The following SORL1 variants were observed in gnomAD, a reference collection of about 807,000 sequenced individuals.
The protein encoded by SORL1 is sortilin-related receptor.
In SORL1, 127 loss-of-function variants were observed where a neutral mutation model predicts 273.7. That is an observed-to-expected ratio of 0.46 (90% CI 0.40 to 0.54). The LOEUF (loss-of-function observed/expected upper bound fraction) is 0.54, where lower values mean the gene tolerates loss of function less well. Among genes scored for constraint, SORL1 ranks in the 20% least tolerant of loss-of-function variants. The pLI, the probability that SORL1 is intolerant of heterozygous loss-of-function variation, is 0.00. For missense variants in SORL1, 2,494 were observed against 2,846.1 expected (o/e 0.88, Z 2.81); for synonymous variants, 1,031 against 1,067.4 (o/e 0.97, Z 0.66).
At chr11:121,529,548 T>C (rs1862172774) in intron 11 of SORL1, among the ~76,000 whole-genome samples, 1 of 152,180 alleles carries the variant, frequency 6.6e-6, no homozygotes, top group Admixed American at 6.5e-5. Flanking sequence ...ATCCATTCGC[T>C]TTCAACCTAT....
rs929236839 is a variant in SORL1 at position 121,633,382 on chromosome 11, T to G, written c.*3819T>G. On this transcript the variant is annotated 3_prime_UTR_variant, in exon 48 of 48. Coordinates refer to ENST00000260197, the MANE Select transcript of SORL1 (RefSeq NM_003105.6). ...TGGAGTGGACCATTATCCTCAAATA[T>G]TCTATGTCACTTCTCATTTAAAGAC... is the stretch of plus-strand genomic sequence containing the variant. 1 of 152,206 alleles carries G rather than the reference T, an allele frequency of 6.6e-6. No individual in the cohort carries two copies. Among genetic ancestry groups the G allele is most frequent in the Admixed American group, 6.5e-5 (1 of 15,280 alleles). The allele number at this position is 152,206 out of a possible 1,614,324, so 9.4% of individuals were successfully genotyped here.
At chr11:121,472,306 C>T (rs568787436) in intron 2 of SORL1, among the ~76,000 whole-genome samples, 14 of 152,190 alleles carry the variant, frequency 9.2e-5, no homozygotes, top group Middle Eastern at 3.4e-3. Context: ...AATTTTTATG[C>T]GTTTAAAAAA....
At chr11:121,487,966 G>T in intron 3 of SORL1, 66 bp from the exon 4 acceptor site, 2 of 1,555,854 alleles carry the variant, frequency 1.3e-6, no homozygotes, top group South Asian at 2.3e-5. Flanking sequence ...ACTCGCACAT[G>T]GTTTAGGGGA....
intron 27 of SORL1, 86 bp from the exon 28 acceptor site, chr11:121,587,934 C>T (rs1863143282): frequency 1.3e-6 from 2 of 1,528,720 alleles, no homozygotes; most frequent in Non-Finnish European, 9.0e-7. Context: ...GAAGCCACAT[C>T]TGTACTCGTG....
rs148235341 is a variant in SORL1 at position 121,469,518 on chromosome 11, A to G, written c.286-489A>G. ...AAAGCTTCACAATGATACTTCTCTC[A>G]TTTCTCATTACCAGCTGAAAGTGAA... On this transcript the variant is annotated intron_variant, in intron 1 of 47. Coordinates refer to ENST00000260197, the MANE Select transcript of SORL1 (RefSeq NM_003105.6). Among the ~76,000 whole-genome samples the G allele has an allele frequency of 7.3e-3, 1,108 of 152,326 alleles. 15 individuals carry two copies. The highest frequency in any genetic ancestry group is 0.026 in the South Asian group (127 of 4,832).
In SORL1 at chr11:121,625,269, T is replaced by A. The variant is rs375087515; in HGVS notation, c.6356T>A (p.Leu2119Gln). Residue 2119 changes from leucine to glutamine, a missense_variant, in exon 46 of 48, where the codon CTG becomes CAG. Coordinates refer to ENST00000260197, the MANE Select transcript of SORL1 (RefSeq NM_003105.6). ...CCTGCCATCCTGCTGTACGATGAGCTGGGGTCTGGTGAGTTGCGATTGCTG... is the reference window on the plus strand; with the variant it reads ...CCTGCCATCCTGCTGTACGATGAGCAGGGGTCTGGTGAGTTGCGATTGCTG... ...GEPAILLYDE[L>Q]GSGADASATQ... The A allele has an allele frequency of 6.2e-7, 1 of 1,610,082 alleles. No homozygotes were observed. Among genetic ancestry groups the A allele is most frequent in the Non-Finnish European group, 8.5e-7 (1 of 1,178,304 alleles).
intron 2 of SORL1, among the ~76,000 whole-genome samples, chr11:121,475,239 C>T (rs1861245882): frequency 6.6e-6 from 1 of 152,000 alleles, no homozygotes; most frequent in African/African-American, 2.4e-5. Context: ...TGTGCTCCAG[C>T]CTGAGTCATA....
intron 14 of SORL1, among the ~76,000 whole-genome samples, chr11:121,548,909 G>T (rs1403379120): frequency 6.6e-6 from 1 of 152,134 alleles, no homozygotes; most frequent in Non-Finnish European, 1.5e-5. Flanking sequence ...ATGTGTTCTG[G>T]TAGAGCACAT....
intron 35 of SORL1, 53 bp from the exon 36 acceptor site, chr11:121,606,792 C>T: frequency 1.6e-6 from 2 of 1,219,528 alleles, no homozygotes; most frequent in East Asian, 5.1e-5. Flanking sequence ...GAAAATTCCT[C>T]TGGTTGGCTG....
intron 24 of SORL1, among the ~76,000 whole-genome samples, chr11:121,576,060 G>A (rs1329509845): frequency 6.6e-6 from 1 of 152,236 alleles, no homozygotes; most frequent in African/African-American, 2.4e-5. Flanking sequence ...GAATGACTGA[G>A]ACGGCTGCCT....
intron 2 of SORL1, among the ~76,000 whole-genome samples, chr11:121,470,441 C>T (rs35044318): frequency 0.1 from 15,310 of 152,234 alleles, 935 homozygotes; most frequent in African/African-American, 0.17. Context: ...CAGCTGAGCC[C>T]GATGGAATCA....
intron 3 of SORL1, among the ~76,000 whole-genome samples, chr11:121,483,619 A>G (rs1861428809): frequency 6.6e-6 from 1 of 152,186 alleles, no homozygotes; most frequent in African/African-American, 2.4e-5. Flanking sequence ...GGGTACACAA[A>G]GGCACTCCTG....
At chr11:121,587,188 C>T (rs969343295) in intron 27 of SORL1, among the ~76,000 whole-genome samples, 1 of 152,060 alleles carries the variant, frequency 6.6e-6, no homozygotes, top group Admixed American at 6.5e-5. Context: ...TGGGGTTCTC[C>T]AGAGGAATAG....
At position 121,555,231 on chromosome 11, in the gene SORL1, T is replaced by G; in HGVS notation, c.2484T>G (p.Asn828Lys). ...GCACAGGGCAAGAGGTGATCATCAATTCTGGCCTGGAGACAGTAGAAGCTT... is the reference window on the plus strand; with the variant it reads ...GCACAGGGCAAGAGGTGATCATCAAGTCTGGCCTGGAGACAGTAGAAGCTT... Reference protein sequence around the residue: ...NGSTGQEVIINSGLETVEALA... With the variant: ...NGSTGQEVIIKSGLETVEALA... The change falls in exon 18 of 48, where the codon AAT becomes AAG. Residue 828 changes from asparagine to lysine, a missense_variant. Coordinates refer to ENST00000260197, the MANE Select transcript of SORL1 (RefSeq NM_003105.6). The G allele has an allele frequency of 1.2e-6, 2 of 1,614,078 alleles. No individual in the cohort carries two copies. The highest frequency in any genetic ancestry group is 8.5e-7 in the Non-Finnish European group (1 of 1,179,928).
rs925511752 is a variant in SORL1, at chr11:121,596,175, G to A, written c.4519+403G>A. Reference sequence around the variant, plus strand: ...TGGGCGTAGAAGCTGTGTTATTAGAGGGTTTGCCTCTAGCACCCCATTAAG... The same window carrying A: ...TGGGCGTAGAAGCTGTGTTATTAGAAGGTTTGCCTCTAGCACCCCATTAAG... On this transcript the variant is annotated intron_variant, in intron 32 of 47. Transcript: ENST00000260197. This position sits in a 1 kb window ranked among gnomAD's most constrained non-coding sequence, Gnocchi z 4.3. Among the ~76,000 whole-genome samples the A allele has an allele frequency of 3.9e-5, 6 of 152,184 alleles. No homozygotes were observed. The highest frequency in any genetic ancestry group is 6.5e-5 in the Admixed American group (1 of 15,280).
At position 121,595,754 on chromosome 11, in the gene SORL1, C is replaced by T. The variant is rs1013374719; in HGVS notation, c.4501C>T (p.Arg1501Trp). ...CGGCCACCAAGATTGCCAGGATGGC[C>T]GGGACGAGGCCAATTGCCGTGAGTA... ...CDGHQDCQDG[R>W]DEANCPTHST... is the part of the protein sequence containing the mutation. Residue 1501 changes from arginine (R) to tryptophan (W), a missense_variant, in exon 32 of 48, where the codon CGG becomes TGG. Transcript: ENST00000260197. This position sits in a 1 kb window ranked among gnomAD's most constrained non-coding sequence, Gnocchi z 5.1. 43 of 1,613,190 alleles carry T rather than the reference C, an allele frequency of 2.7e-5. No homozygotes were observed. The highest frequency in any genetic ancestry group is 2.2e-4 in the Admixed American group (13 of 60,008).
At chr11:121,622,510 G>A (rs1344620962) in intron 45 of SORL1, among the ~76,000 whole-genome samples, 1 of 152,222 alleles carries the variant, frequency 6.6e-6, no homozygotes, top group Admixed American at 6.5e-5. Flanking sequence ...ATCCTGACTT[G>A]TCTTCCCCTG....
chr11:121,481,388 C>T (rs1328237656), intron 3 of SORL1, among the ~76,000 whole-genome samples: 1 of 128,690 alleles, frequency 7.8e-6, no homozygotes, highest in Non-Finnish European at 1.6e-5. Flanking sequence ...TGCACAGATA[C>T]CTATAGGCAG....
In SORL1 at chr11:121,619,853, A is replaced by C. The variant is rs1324115106; in HGVS notation, c.5825A>C (p.His1942Pro). Residue 1942 changes from histidine to proline, a missense_variant, in exon 43 of 48, where the codon CAT becomes CCT. Around this residue, in one of 3 missense-constraint regions of SORL1, gnomAD observed 1,609 missense variants for 1,816.4 expected, o/e 0.89. Coordinates refer to ENST00000260197, the MANE Select transcript of SORL1 (RefSeq NM_003105.6). ...CCACCCCGTCACCTGCATGTGGTTC[A>C]TACGGGCAAAACCTCCGTGGTCATC... ...RLPPRHLHVV[H>P]TGKTSVVIKW... The C allele has an allele frequency of 2.5e-6, 4 of 1,614,160 alleles. No individual in the cohort carries two copies.
Sources: gnomAD v4.1 joint callset for allele counts (sites outside exome capture counted in the v4.1 genomes callset) on GRCh38, gnomAD v4.1.1 for gene constraint, gnomAD v4.1.1 regional missense constraint, Gnocchi (gnomAD v3.1) non-coding constraint, MANE v1.5 for transcripts, NCBI Gene and HGNC (gene_info 2026-07-23, HGNC 2026-07-21) for gene names.